MECOM: variants seen among roughly 807,000 people sequenced by gnomAD.
The protein encoded by MECOM is MDS1 and EVI1 complex locus, also known as histone-lysine N-methyltransferase MECOM.
A neutral mutation model predicts 116.3 loss-of-function variants in MECOM; 13 were observed. The ratio of observed to expected loss-of-function variants is 0.11; its 90% CI spans 0.07 to 0.18. The LOEUF (loss-of-function observed/expected upper bound fraction) is 0.18. Among genes scored for constraint, MECOM ranks in the 10% least tolerant of loss-of-function variants. The probability of loss-of-function intolerance (pLI) is 1.00; values close to 1 mark genes in which losing one functional copy is unlikely to be tolerated. For synonymous variants in MECOM, 528 were observed against 535.2 expected (o/e 0.99, Z 0.19); for missense variants, 1,299 against 1,509.0 (o/e 0.86, Z 2.31).
intron 1 of MECOM, among the ~76,000 whole-genome samples, chr3:169,399,796 T>A (rs1281839373): frequency 1.3e-5 from 2 of 152,188 alleles, no homozygotes; most frequent in African/African-American, 4.8e-5. Flanking sequence ...CTCAATACAG[T>A]TTTTCTTCCT....
At position 169,191,715 on chromosome 3, in the gene MECOM, AGAAAAAAAGAAAGAAAGAAAGAAAGAG is replaced by A. The variant is rs1294264953; in HGVS notation, c.376-47910_376-47884del. ...AAAGAGATAGAAAAGAAAGAAAGAA[AGAAAAAAAGAAAGAAAGAAAGAAAGAG>A]AAAGAAAGAAAGAAAGAAAGAAAGA... On this transcript the variant is annotated intron_variant, in intron 2 of 16. Transcript: ENST00000651503. Among the ~76,000 whole-genome samples the A allele has an allele frequency of 6.5e-3, 279 of 42,684 alleles. 5 individuals are homozygous for A. Among genetic ancestry groups the A allele is most frequent in the African/African-American group, 0.017 (267 of 16,074 alleles). 28.0% of individuals were successfully genotyped at this position (42,684 alleles called of 152,430 possible). A position where few individuals can be genotyped will look rare whatever the true frequency, so the allele number is the denominator to read the frequency against.
At chr3:169,577,475 T>C (rs1764650507) in intron 1 of MECOM, among the ~76,000 whole-genome samples, 2 of 26,340 alleles carry the variant, frequency 7.6e-5, no homozygotes, top group African/African-American at 1.7e-4. Context: ...AAAGTTGCCT[T>C]TTTTTTTTTT....
At chr3:169,635,536 C>T (rs1013394267) in intron 1 of MECOM, among the ~76,000 whole-genome samples, 2 of 152,240 alleles carry the variant, frequency 1.3e-5, no homozygotes, top group African/African-American at 4.8e-5. Flanking sequence ...TCATAATTCT[C>T]TGACTCAGCT....
chr3:169,641,756 G>C (rs1414052027), intron 1 of MECOM, among the ~76,000 whole-genome samples: 2 of 152,134 alleles, frequency 1.3e-5, no homozygotes, highest in Non-Finnish European at 2.9e-5. Context: ...TTAACTATCT[G>C]TCCAAAGTCT....
intron 2 of MECOM, among the ~76,000 whole-genome samples, chr3:169,347,842 G>A (rs983351024): frequency 2.0e-5 from 3 of 151,986 alleles, no homozygotes. Flanking sequence ...CAATAAATAC[G>A]TGTTGACTGA....
At chr3:169,107,839 T>G in intron 10 of MECOM, 87 bp downstream of exon 10, 2 of 1,105,332 alleles carry the variant, frequency 1.8e-6, no homozygotes, top group Non-Finnish European at 2.7e-6. Context: ...TTCAGAATTA[T>G]TTATGTCTGT....
chr3:169,364,643 C>T (rs1455837966), intron 2 of MECOM, among the ~76,000 whole-genome samples: 1 of 151,956 alleles, frequency 6.6e-6, no homozygotes, highest in Non-Finnish European at 1.5e-5. Context: ...GTACTGCATC[C>T]CAAGTGACAA....
intron 2 of MECOM, among the ~76,000 whole-genome samples, chr3:169,154,330 C>A (rs1478794611): frequency 6.6e-6 from 1 of 152,084 alleles, no homozygotes; most frequent in African/African-American, 2.4e-5. Flanking sequence ...CTTTAAGTAC[C>A]AAGAGGGCAG....
At chr3:169,323,882 T>G (rs1721341335) in intron 2 of MECOM, among the ~76,000 whole-genome samples, 1 of 152,222 alleles carries the variant, frequency 6.6e-6, no homozygotes, top group African/African-American at 2.4e-5. Flanking sequence ...ACTTGGAGGA[T>G]GGACAAAAAT....
intron 5 of MECOM, among the ~76,000 whole-genome samples, chr3:169,126,011 A>G (rs908531107): frequency 1.3e-5 from 2 of 152,116 alleles, no homozygotes; most frequent in African/African-American, 4.8e-5. Flanking sequence ...ATAATTTATA[A>G]CCAAAAATAC....
chr3:169,085,044 C>T lies in MECOM; in HGVS notation c.3586-1G>A, dbSNP rs1717202146. 2 of 1,613,670 alleles carry T rather than the reference C, an allele frequency of 1.2e-6. No homozygotes were observed. The highest frequency in any genetic ancestry group is 2.7e-5 in the African/African-American group (2 of 74,870). ...ACAGTGACAGCATCATAGCATATGCCTGGGGTAAAAAGGAGAGAGACTCAG... is the reference window on the plus strand; with the variant it reads ...ACAGTGACAGCATCATAGCATATGCTTGGGGTAAAAAGGAGAGAGACTCAG... On this transcript the variant is annotated splice_acceptor_variant, in intron 16 of 16. Transcript: ENST00000651503. LOFTEE classifies it high-confidence loss of function.
In MECOM at chr3:169,115,889, A is replaced by G. The variant is rs373480326; in HGVS notation, c.1983T>C (p.Ser661=). Residue 661 remains serine, a synonymous_variant, in exon 8 of 17, where the codon TCT becomes TCC. Transcript: ENST00000651503. Reference sequence around the variant, plus strand: ...CAGCAATAGAAGCAATAGCCTTTATAGAATCATTCACAGCTCCTGACACCG... The same window carrying G: ...CAGCAATAGAAGCAATAGCCTTTATGGAATCATTCACAGCTCCTGACACCG... ...QTAVSGAVND[S]IKAIASIAEK... 15 of 1,614,134 alleles carry G rather than the reference A, an allele frequency of 9.3e-6. No homozygotes were observed. The highest frequency in any genetic ancestry group is 1.2e-5 in the Non-Finnish European group (14 of 1,180,050).
chr3:169,121,748 G>A lies in MECOM; in HGVS notation c.979-539C>T, dbSNP rs1731098329. On this transcript the variant is annotated intron_variant, in intron 6 of 16. Transcript: ENST00000651503. ...TAAAAAAGCCACCCAACACATCTGA[G>A]AGCAAAACATCCCTAAAGAAATTTC... 2.6e-5 allele frequency among the ~76,000 whole-genome samples: 4 copies of A among 152,018 alleles called. No individual in the cohort carries two copies. The South Asian group carries it at 8.3e-4, about 32-fold the overall frequency.
chr3:169,155,179 G>C (rs1203070405), intron 2 of MECOM, among the ~76,000 whole-genome samples: 1 of 152,134 alleles, frequency 6.6e-6, no homozygotes, highest in Admixed American at 6.5e-5. Context: ...AGCAAAGTTG[G>C]TTACTTAACA....
At chr3:169,189,874 A>T (rs1218053993) in intron 2 of MECOM, among the ~76,000 whole-genome samples, 1 of 152,084 alleles carries the variant, frequency 6.6e-6, no homozygotes, top group East Asian at 1.9e-4. Context: ...TATATTAAGT[A>T]AATTTAGAGC....
At chr3:169,443,572 GTC>G (rs767451118) in intron 1 of MECOM, among the ~76,000 whole-genome samples, 2 of 152,158 alleles carry the variant, frequency 1.3e-5, no homozygotes, top group Non-Finnish European at 2.9e-5. Context: ...GCTTTAACCT[GTC>G]TTCTGTTCCC....
At chr3:169,537,678 T>G (rs1201968137) in intron 1 of MECOM, among the ~76,000 whole-genome samples, 1 of 149,896 alleles carries the variant, frequency 6.7e-6, no homozygotes, top group Non-Finnish European at 1.5e-5. Flanking sequence ...AGAAAGTGAG[T>G]ATCTTAGATA....
chr3:169,240,765 G>C (rs1165968696), intron 2 of MECOM, among the ~76,000 whole-genome samples: 1 of 152,190 alleles, frequency 6.6e-6, no homozygotes, highest in African/African-American at 2.4e-5. Flanking sequence ...GCCAGTGGTA[G>C]AAAAGGAGTC....
At chr3:169,524,227 G>A (rs1329848961) in intron 1 of MECOM, among the ~76,000 whole-genome samples, 1 of 151,770 alleles carries the variant, frequency 6.6e-6, no homozygotes, top group Non-Finnish European at 1.5e-5. Flanking sequence ...ATGTGTACAG[G>A]GTCCTTACTT....
Sources: gnomAD v4.1 joint callset for allele counts (sites outside exome capture counted in the v4.1 genomes callset) on GRCh38, gnomAD v4.1.1 for gene constraint, MANE v1.5 for transcripts, NCBI Gene and HGNC (gene_info 2026-07-23, HGNC 2026-07-21) for gene names.